The following NEO1 variants were observed in gnomAD, a reference collection of about 807,000 sequenced individuals.
The protein encoded by NEO1 is neogenin.
Under a neutral mutation model 159.7 loss-of-function variants are expected in NEO1, and 63 were observed. The observed-to-expected ratio is 0.39, with a 90% CI of 0.32 to 0.49. The LOEUF (loss-of-function observed/expected upper bound fraction) is 0.49. Ranked by LOEUF, NEO1 falls within the 20% of genes least tolerant of loss-of-function variation. The probability of loss-of-function intolerance (pLI) is 0.85; values close to 1 mark genes in which losing one functional copy is unlikely to be tolerated. For missense variants in NEO1, 1,615 were observed against 1,831.0 expected, an observed-to-expected ratio of 0.88 and a Z score of 2.15; for synonymous variants, 633 against 662.0, an observed-to-expected ratio of 0.96 and a Z score of 0.67.
chr15:73,074,881 A>G (rs1486127759), intron 1 of NEO1, among the ~76,000 whole-genome samples: 1 of 152,176 alleles, frequency 6.6e-6, no homozygotes. Context: ...CAGATGGAGA[A>G]ATTCAAATTA....
chr15:73,164,371 A>G (rs954815655), intron 5 of NEO1, among the ~76,000 whole-genome samples: 1 of 151,650 alleles, frequency 6.6e-6, no homozygotes, highest in African/African-American at 2.4e-5. Context: ...ATGCCACCAC[A>G]CTCAGGTAAT....
intron 5 of NEO1, among the ~76,000 whole-genome samples, chr15:73,163,669 C>T (rs1227599661): frequency 6.6e-6 from 1 of 152,066 alleles, no homozygotes; most frequent in African/African-American, 2.4e-5. Flanking sequence ...ATGCTGAAAC[C>T]GATTCAGAGG....
At chr15:73,171,923 G>C (rs2034999594) in intron 5 of NEO1, among the ~76,000 whole-genome samples, 1 of 152,098 alleles carries the variant, frequency 6.6e-6, no homozygotes, top group Non-Finnish European at 1.5e-5. Context: ...TTACAGGCGT[G>C]AGCCACCATG....
Position 73,247,001 on chromosome 15 carries a change from G to A in NEO1, c.1607-2059G>A, listed in dbSNP as rs774855136. On this transcript the variant is annotated intron_variant, in intron 9 of 28. Coordinates refer to ENST00000261908, the MANE Select transcript of NEO1 (RefSeq NM_002499.4). ...AAGGAGCTTACGGTCTGGTACCATA[G>A]ACAACAGTGTGATGTGTTATCACCT... is the stretch of plus-strand genomic sequence containing the variant. 4.6e-4 allele frequency among the ~76,000 whole-genome samples: 70 copies of A among 152,190 alleles called. 2 individuals are homozygous for A. The highest frequency in any genetic ancestry group is 2.5e-3 in the Admixed American group (38 of 15,272).
chr15:73,077,356 A>T (rs977831660), intron 1 of NEO1, among the ~76,000 whole-genome samples: 3 of 152,182 alleles, frequency 2.0e-5, no homozygotes, highest in African/African-American at 7.2e-5. Flanking sequence ...TCATAACTAC[A>T]TTCTAATTGA....
chr15:73,182,408 C>T (rs2035661465), intron 7 of NEO1, among the ~76,000 whole-genome samples: 1 of 152,116 alleles, frequency 6.6e-6, no homozygotes, highest in South Asian at 2.1e-4. Flanking sequence ...CCATTCTCAC[C>T]ACATAAAGAG....
chr15:73,211,992 AT>A (rs957614073), intron 7 of NEO1, among the ~76,000 whole-genome samples: 6 of 152,026 alleles, frequency 3.9e-5, no homozygotes, highest in South Asian at 2.1e-4. Context: ...GAGGTTATGG[AT>A]TTTTTTTGGA....
At chr15:73,294,165 G>A (rs571241386) in intron 26 of NEO1, among the ~76,000 whole-genome samples, 1 of 152,206 alleles carries the variant, frequency 6.6e-6, no homozygotes, top group Admixed American at 6.5e-5. Flanking sequence ...AAAGAAATAC[G>A]TTGCTAGACA....
chr15:73,192,016 A>G (rs1318447230), intron 7 of NEO1, among the ~76,000 whole-genome samples: 1 of 152,030 alleles, frequency 6.6e-6, no homozygotes, highest in Non-Finnish European at 1.5e-5. Context: ...AGCAGACATG[A>G]TTCTCTGCCT....
At chr15:73,108,587 G>A (rs955083917) in intron 1 of NEO1, among the ~76,000 whole-genome samples, 6 of 106,448 alleles carry the variant, frequency 5.6e-5, no homozygotes, top group African/African-American at 1.9e-4. Context: ...AATAGCCATG[G>A]CAAGACGGGT....
intron 7 of NEO1, among the ~76,000 whole-genome samples, chr15:73,187,305 G>A (rs1047347399): frequency 4.6e-5 from 7 of 151,904 alleles, no homozygotes; most frequent in Non-Finnish European, 8.8e-5. Flanking sequence ...AGTGACTAGG[G>A]CACATTTCCT....
At position 73,279,351 on chromosome 15, in the gene NEO1, G is replaced by GTTTTTTTTTTTTTTTTTTTTTTTTTTTT. The variant is rs869029902; in HGVS notation, c.3262+1167_3262+1168insTTTTTTTTTTTTTTTTTTTTTTTTTTTT. On this transcript the variant is annotated intron_variant, in intron 22 of 28. Transcript: ENST00000261908. ...ATGTTTTTTTGTTGTTTTGGTTTTG[G>GTTTTTTTTTTTTTTTTTTTTTTTTTTTT]TTTTTTTTTTTTTTTGAGATGGAAT... 4.0e-4 allele frequency among the ~76,000 whole-genome samples: 48 copies of GTTTTTTTTTTTTTTTTTTTTTTTTTTTT among 119,340 alleles called. 6 individuals carry two copies. The highest frequency in any genetic ancestry group is 9.3e-4 in the East Asian group (4 of 4,312). The allele number at this position is 119,340 out of a possible 152,430, so 78.3% of individuals were successfully genotyped here.
chr15:73,156,676 AGGTTT>A (rs1180734408), intron 5 of NEO1, among the ~76,000 whole-genome samples: 1 of 152,212 alleles, frequency 6.6e-6, no homozygotes, highest in African/African-American at 2.4e-5. Context: ...TGTCAACAGT[AGGTTT>A]TATGCCTAAC....
chr15:73,273,942 C>T lies in NEO1; in HGVS notation c.3097C>T (p.Gln1033Ter). The change falls in exon 20 of 29, where the codon CAG becomes TAG. Residue 1033 changes from glutamine to a stop codon, truncating the protein, a stop_gained. Coordinates refer to ENST00000261908, the MANE Select transcript of NEO1 (RefSeq NM_002499.4). LOFTEE classifies it high-confidence loss of function. ...TGACACACCATACTACTTCAAAATC[C>T]AGGCACGGAACTCAAAGGGCATGGG... ...TLDTPYYFKIQARNSKGMGPM... is the reference protein window; with the variant it reads ...TLDTPYYFKI 6.2e-7 allele frequency: 1 copy of T among 1,614,164 alleles called. No homozygotes were observed.
At chr15:73,236,013 C>T (rs1314974353) in intron 7 of NEO1, among the ~76,000 whole-genome samples, 9 of 152,172 alleles carry the variant, frequency 5.9e-5, no homozygotes. Context: ...TCTCAGCTGT[C>T]ACCCTCCTTG....
intron 1 of NEO1, among the ~76,000 whole-genome samples, chr15:73,077,058 T>C (rs1182032049): frequency 6.6e-6 from 1 of 152,184 alleles, no homozygotes. Flanking sequence ...AATTTATTTA[T>C]TTTGAGACAG....
chr15:73,090,831 A>C (rs1329073068), intron 1 of NEO1, among the ~76,000 whole-genome samples: 1 of 152,208 alleles, frequency 6.6e-6, no homozygotes, highest in African/African-American at 2.4e-5. Flanking sequence ...ATTTTAAATT[A>C]CACCCTATAG....
chr15:73,094,560 G>A (rs2069892202), intron 1 of NEO1, among the ~76,000 whole-genome samples: 1 of 151,786 alleles, frequency 6.6e-6, no homozygotes, highest in Admixed American at 6.6e-5. Context: ...TAAAGATTTT[G>A]TTGTTGTTTG....
At chr15:73,076,234 G>A (rs1332075665) in intron 1 of NEO1, among the ~76,000 whole-genome samples, 2 of 152,098 alleles carry the variant, frequency 1.3e-5, no homozygotes, top group East Asian at 1.9e-4. Context: ...TTTATTAATA[G>A]CAATATGGGG....
Sources: allele counts gnomAD v4.1 joint callset (sites outside exome capture counted in the v4.1 genomes callset), GRCh38; gene constraint gnomAD v4.1.1; transcripts MANE v1.5; gene names NCBI Gene and HGNC (gene_info 2026-07-23, HGNC 2026-07-21).